CSMD1: variants seen among roughly 807,000 people sequenced by gnomAD.
The protein encoded by CSMD1 is CUB and Sushi multiple domains 1.
In CSMD1, 213 loss-of-function variants were observed where a neutral mutation model predicts 417.5. The observed-to-expected ratio is 0.51, with a 90% CI of 0.46 to 0.57. The LOEUF (loss-of-function observed/expected upper bound fraction) is 0.57, where lower values mean the gene tolerates loss of function less well. Ranked by LOEUF, CSMD1 falls within the 20% of genes least tolerant of loss-of-function variation. CSMD1 has a pLI of 0.00. For missense variants in CSMD1, 6,923 were observed against 4,529.7 expected (o/e 1.53, Z -15.17); for synonymous variants, 2,862 against 1,736.8 (o/e 1.65, Z -16.11).
intron 6 of CSMD1, among the ~76,000 whole-genome samples, chr8:3,711,218 C>T (rs1585115519): frequency 6.6e-6 from 1 of 152,114 alleles, no homozygotes; most frequent in Non-Finnish European, 1.5e-5. Flanking sequence ...TGTAGCTTAG[C>T]AATGAAGAAA....
At chr8:4,759,601 T>C (rs1585054080) in intron 1 of CSMD1, among the ~76,000 whole-genome samples, 1 of 152,070 alleles carries the variant, frequency 6.6e-6, no homozygotes, top group African/African-American at 2.4e-5. Flanking sequence ...TGTGTGTTGT[T>C]CCCCTCCCTA....
intron 5 of CSMD1, among the ~76,000 whole-genome samples, chr8:3,982,181 TAATAATAATATTAATAAAAAA>T (rs1450164091): frequency 2.3e-5 from 3 of 131,054 alleles, no homozygotes; most frequent in African/African-American, 8.0e-5. Context: ...ATAATAATAA[TAATAATAATATTAATAAAAAA>T]AATAATAATA....
chr8:3,397,158 C>T (rs994407025), intron 16 of CSMD1, among the ~76,000 whole-genome samples: 5 of 152,106 alleles, frequency 3.3e-5, no homozygotes, highest in African/African-American at 9.7e-5. Flanking sequence ...CCTATCTGAT[C>T]CTCGAAGAGC....
At chr8:3,089,512 G>C (rs536396299) in intron 48 of CSMD1, among the ~76,000 whole-genome samples, 1 of 152,108 alleles carries the variant, frequency 6.6e-6, no homozygotes, top group Non-Finnish European at 1.5e-5. Flanking sequence ...AAGAGTTTAC[G>C]TGCATAGGGC....
chr8:3,384,558 C>T (rs1810849273), intron 18 of CSMD1, among the ~76,000 whole-genome samples: 1 of 149,998 alleles, frequency 6.7e-6, no homozygotes, highest in Non-Finnish European at 1.5e-5. Context: ...CCTTATTATT[C>T]TCAAAAATAT....
chr8:3,556,419 A>ATATATATATATATATATATATATT (rs1211530784), intron 10 of CSMD1, among the ~76,000 whole-genome samples: 1 of 146,002 alleles, frequency 6.8e-6, no homozygotes, highest in African/African-American at 2.5e-5. Flanking sequence ...ATATATTCAC[A>ATATATATATATATATATATATATT]CACACAAAGA....
At chr8:3,287,424 C>T (rs1305885495) in intron 25 of CSMD1, among the ~76,000 whole-genome samples, 1 of 152,088 alleles carries the variant, frequency 6.6e-6, no homozygotes, top group African/African-American at 2.4e-5. Context: ...TTGATTCTTC[C>T]TACCTATGAG....
chr8:4,087,069 A>G (rs1330492941), intron 3 of CSMD1, among the ~76,000 whole-genome samples: 1 of 152,166 alleles, frequency 6.6e-6, no homozygotes, highest in East Asian at 1.9e-4. Flanking sequence ...CCCAAGAGAG[A>G]TGCGTCATCC....
chr8:4,865,387 C>T (rs562425890), intron 1 of CSMD1, among the ~76,000 whole-genome samples: 80 of 151,942 alleles, frequency 5.3e-4, no homozygotes, highest in Non-Finnish European at 9.0e-4. Context: ...CTGCCTATAA[C>T]TGATGACTTT....
intron 3 of CSMD1, among the ~76,000 whole-genome samples, chr8:4,043,529 A>G (rs1321272984): frequency 6.6e-6 from 1 of 152,224 alleles, no homozygotes; most frequent in Non-Finnish European, 1.5e-5. Flanking sequence ...ATAACAGTAA[A>G]ATAATGAGAA....
At chr8:3,906,868 T>G (rs1808150976) in intron 5 of CSMD1, among the ~76,000 whole-genome samples, 1 of 152,150 alleles carries the variant, frequency 6.6e-6, no homozygotes, top group South Asian at 2.1e-4. Context: ...AAAGTAAAAG[T>G]ATTAGTACCA....
At chr8:4,758,116 T>C (rs1356801907) in intron 1 of CSMD1, among the ~76,000 whole-genome samples, 2 of 152,126 alleles carry the variant, frequency 1.3e-5, no homozygotes, top group Admixed American at 6.6e-5. Flanking sequence ...CCAAAGGAAA[T>C]AATTGGCAAC....
chr8:4,618,670 C>G (rs1801611657), intron 2 of CSMD1, among the ~76,000 whole-genome samples: 1 of 152,080 alleles, frequency 6.6e-6, no homozygotes, highest in Non-Finnish European at 1.5e-5. Flanking sequence ...GGATTTCAAT[C>G]AAACATCACT....
intron 3 of CSMD1, among the ~76,000 whole-genome samples, chr8:4,199,564 C>G (rs938447279): frequency 1.3e-5 from 2 of 152,154 alleles, no homozygotes; most frequent in African/African-American, 2.4e-5. Context: ...ACCAAAGGAG[C>G]TACCGGACAA....
chr8:4,414,140 C>T (rs1180140362), intron 3 of CSMD1, among the ~76,000 whole-genome samples: 1 of 152,154 alleles, frequency 6.6e-6, no homozygotes, highest in Non-Finnish European at 1.5e-5. Flanking sequence ...TCAGTGCTGA[C>T]ATTCTAAATA....
At chr8:4,540,421 G>T (rs1797321670) in intron 2 of CSMD1, among the ~76,000 whole-genome samples, 1 of 152,228 alleles carries the variant, frequency 6.6e-6, no homozygotes, top group South Asian at 2.1e-4. Flanking sequence ...CAAAACCTCA[G>T]GCCGGGTGCA....
intron 5 of CSMD1, among the ~76,000 whole-genome samples, chr8:3,922,907 G>A (rs1284999324): frequency 5.3e-5 from 8 of 152,244 alleles, no homozygotes; most frequent in Non-Finnish European, 1.2e-4. Flanking sequence ...AACTGAACAT[G>A]AACACAAATA....
chr8:2,995,629 A>T (rs943194717), intron 54 of CSMD1, among the ~76,000 whole-genome samples: 1 of 152,240 alleles, frequency 6.6e-6, no homozygotes, highest in Admixed American at 6.5e-5. Flanking sequence ...TTGTGACAGC[A>T]AAGTCTGGAA....
chr8:3,256,218 T>A (rs528901230), intron 26 of CSMD1, among the ~76,000 whole-genome samples: 1 of 148,620 alleles, frequency 6.7e-6, no homozygotes, highest in East Asian at 2.0e-4. Context: ...TCCCAACTAC[T>A]CAGGGGGCTG....
Sources: gnomAD v4.1 joint callset for allele counts (sites outside exome capture counted in the v4.1 genomes callset) on GRCh38, gnomAD v4.1.1 for gene constraint, MANE v1.5 for transcripts, NCBI Gene and HGNC (gene_info 2026-07-23, HGNC 2026-07-21) for gene names.